The following PRELID2 variants were observed in gnomAD, a reference collection of about 807,000 sequenced individuals.
PRELID2 encodes PRELI domain containing 2.
PRELID2 carries 25 observed loss-of-function variants against 28.4 expected under a neutral mutation model. The ratio of observed to expected loss-of-function variants is 0.88; its 90% CI spans 0.64 to 1.23. The LOEUF is 1.23. PRELID2 is among the 50% of genes most tolerant of loss of function. PRELID2 has a pLI of 0.00. For missense variants in PRELID2, 201 were observed against 214.4 expected (o/e 0.94, Z 0.39); for synonymous variants, 76 against 71.6 (o/e 1.06, Z -0.31).
intron 1 of PRELID2, among the ~76,000 whole-genome samples, chr5:145,559,942 T>A (rs1045177987): frequency 1.3e-4 from 20 of 151,880 alleles, no homozygotes; most frequent in African/African-American, 4.8e-4. Flanking sequence ...TATGGTGGGG[T>A]CATGTTCCAA....
chr5:145,825,914 A>T, intron 1 of PRELID2: 1 of 458,408 alleles, frequency 2.2e-6, no homozygotes, highest in Non-Finnish European at 2.9e-6. Context: ...TTCATGTTTT[A>T]ATTCATGAAA....
chr5:145,752,489 C>G (rs534331698), downstream of PRELID2, among the ~76,000 whole-genome samples: 1 of 152,182 alleles, frequency 6.6e-6, no homozygotes, highest in East Asian at 1.9e-4. Flanking sequence ...CGTCATTAAA[C>G]TTTCTTGCCA....
At chr5:145,797,978 T>C (rs1338039513) in intron 4 of PRELID2, among the ~76,000 whole-genome samples, 1 of 150,926 alleles carries the variant, frequency 6.6e-6, no homozygotes, top group African/African-American at 2.4e-5. Flanking sequence ...TCAGGAAAAA[T>C]AAAGCGCAAG....
chr5:145,349,945 T>C, the PRELID2 span, among the ~76,000 whole-genome samples: 1 of 152,140 alleles, frequency 6.6e-6, no homozygotes, highest in East Asian at 1.9e-4. Flanking sequence ...TCATATTATG[T>C]GCCAAAGAGG....
chr5:145,275,917 A>AG, the PRELID2 span, among the ~76,000 whole-genome samples: 1 of 152,166 alleles, frequency 6.6e-6, no homozygotes, highest in East Asian at 1.9e-4. Flanking sequence ...TATGCACCTC[A>AG]TAAGTGGAGT....
chr5:145,507,895 A>C (rs1752425887), intron 1 of PRELID2, among the ~76,000 whole-genome samples: 1 of 152,174 alleles, frequency 6.6e-6, no homozygotes, highest in African/African-American at 2.4e-5. Flanking sequence ...GAGGTAGGTA[A>C]GAAACTAACT....
At chr5:145,445,610 T>C in the PRELID2 span, among the ~76,000 whole-genome samples, 1 of 152,006 alleles carries the variant, frequency 6.6e-6, no homozygotes, top group Non-Finnish European at 1.5e-5. Context: ...GAAGAAAATA[T>C]TTGCAAGCTA....
At chr5:145,229,799 C>T in the PRELID2 span, 1 of 759,530 alleles carries the variant, frequency 1.3e-6, no homozygotes, top group Non-Finnish European at 2.4e-6. Context: ...TCTGACATAG[C>T]CCTGAGTGTG....
the PRELID2 span, among the ~76,000 whole-genome samples, chr5:145,457,313 A>G: frequency 1.3e-5 from 2 of 152,318 alleles, no homozygotes; most frequent in South Asian, 4.1e-4. Context: ...AAATAAAAGT[A>G]TGGAAGCAAA....
chr5:145,823,076 C>A lies in PRELID2; in HGVS notation c.133+1G>T. 1 of 1,490,420 alleles carries A rather than the reference C, an allele frequency of 6.7e-7. No individual in the cohort carries two copies. Among genetic ancestry groups the A allele is most frequent in the Non-Finnish European group, 9.4e-7 (1 of 1,067,764 alleles). The allele number at this position is 1,490,420 out of a possible 1,614,324, so 92.3% of individuals were successfully genotyped here. On this transcript the variant is annotated splice_donor_variant, in intron 2 of 6. Transcript: ENST00000683046. LOFTEE classifies it high-confidence loss of function. ...CTGAAAAAACTGTACAGAGAACTTACCTCTTTTTTCCTCCATGATTTTTAC... is the reference window on the plus strand; with the variant it reads ...CTGAAAAAACTGTACAGAGAACTTAACTCTTTTTTCCTCCATGATTTTTAC...
chr5:145,495,019 T>G (rs1752298559), intron 1 of PRELID2, among the ~76,000 whole-genome samples: 1 of 152,216 alleles, frequency 6.6e-6, no homozygotes, highest in Admixed American at 6.5e-5. Flanking sequence ...ATTTTTTAAG[T>G]GATGAAGGTA....
At chr5:145,732,895 G>A (rs186816347) in intron 1 of PRELID2, among the ~76,000 whole-genome samples, 6 of 151,904 alleles carry the variant, frequency 3.9e-5, no homozygotes, top group Admixed American at 2.6e-4. Flanking sequence ...AAGTGACAGT[G>A]GACCAAGAAT....
chr5:145,649,792 C>G (rs1214692120), intron 1 of PRELID2, among the ~76,000 whole-genome samples: 2 of 152,178 alleles, frequency 1.3e-5, no homozygotes, highest in Admixed American at 1.3e-4. Flanking sequence ...CATCCTGTCT[C>G]TTAATTCCTT....
At chr5:145,439,503 C>T in the PRELID2 span, among the ~76,000 whole-genome samples, 17 of 152,012 alleles carry the variant, frequency 1.1e-4, no homozygotes, top group Non-Finnish European at 1.6e-4. Context: ...GATTATTCTC[C>T]CCCAAAGCCT....
At chr5:145,414,977 G>A in the PRELID2 span, among the ~76,000 whole-genome samples, 1 of 152,190 alleles carries the variant, frequency 6.6e-6, no homozygotes, top group African/African-American at 2.4e-5. Context: ...CCTGAACTCA[G>A]CTCTGGATCA....
the PRELID2 span, among the ~76,000 whole-genome samples, chr5:145,242,619 C>T: frequency 2.0e-5 from 3 of 151,990 alleles, no homozygotes; most frequent in Admixed American, 2.0e-4. Flanking sequence ...TCAAGTTAAT[C>T]AATGTAACAG....
chr5:145,806,120 A>T (rs771393892), intron 4 of PRELID2, among the ~76,000 whole-genome samples: 14 of 152,158 alleles, frequency 9.2e-5, no homozygotes, highest in Non-Finnish European at 1.8e-4. Context: ...ATTTATTTTT[A>T]AAATTTTTCT....
the PRELID2 span, among the ~76,000 whole-genome samples, chr5:145,341,483 T>A: frequency 6.6e-6 from 1 of 152,150 alleles, no homozygotes; most frequent in East Asian, 1.9e-4. Flanking sequence ...GAGATTGCAG[T>A]GAGCCAAGAC....
At chr5:145,770,687 G>A (rs1362651133) in intron 5 of PRELID2, among the ~76,000 whole-genome samples, 1 of 152,144 alleles carries the variant, frequency 6.6e-6, no homozygotes, top group Admixed American at 6.5e-5. Flanking sequence ...GTAGGCCTAG[G>A]CTAATGTGTG....
Sources: allele counts gnomAD v4.1 joint callset (sites outside exome capture counted in the v4.1 genomes callset), GRCh38; gene constraint gnomAD v4.1.1; transcripts MANE v1.5; gene names NCBI Gene and HGNC (gene_info 2026-07-23, HGNC 2026-07-21).